The following RPS12 variants were observed in gnomAD, a reference collection of about 807,000 sequenced individuals.
RPS12 encodes the protein ribosomal protein S12.
A neutral mutation model predicts 17.2 loss-of-function variants in RPS12; 1 was observed. That is an observed-to-expected ratio of 0.06 (90% CI 0.02 to 0.28). The LOEUF (loss-of-function observed/expected upper bound fraction) is 0.28, where lower values mean the gene tolerates loss of function less well. Ranked by LOEUF, RPS12 falls within the 10% of genes least tolerant of loss-of-function variation. The probability of loss-of-function intolerance (pLI) is 1.00; values close to 1 mark genes in which losing one functional copy is unlikely to be tolerated. For synonymous variants in RPS12, 67 were observed against 54.0 expected (o/e 1.24, Z -1.06); for missense variants, 146 against 162.1 (o/e 0.90, Z 0.54).
intron 5 of RPS12, 41 bp from the exon 6 acceptor site, chr6:132,817,439 A>G (rs1460634109): frequency 3.1e-6 from 4 of 1,302,796 alleles, no homozygotes; most frequent in Admixed American, 1.7e-5. Flanking sequence ...AAATTCCTAA[A>G]TATTAACAAG....
In RPS12 at chr6:132,814,699, G is replaced by A. The variant is rs372382973; in HGVS notation, c.-37-33G>A. 3.9e-4 allele frequency: 607 copies of A among 1,566,446 alleles called. 2 individuals are homozygous for A. The African/African-American group carries it at 7.1e-3, about 18-fold the overall frequency. ...TGCTGGGATTCGTGACGAGTATCTGGTTCTTTAACAAGTCAATGCTTTTGT... is the reference window on the plus strand; with the variant it reads ...TGCTGGGATTCGTGACGAGTATCTGATTCTTTAACAAGTCAATGCTTTTGT... On this transcript the variant is annotated intron_variant, in intron 1 of 5. Transcript: ENST00000230050.
intron 5 of RPS12, 37 bp downstream of exon 5, chr6:132,817,098 T>C: frequency 8.1e-7 from 1 of 1,235,466 alleles, no homozygotes; most frequent in Non-Finnish European, 1.2e-6. Flanking sequence ...AAGGTTATGC[T>C]GGGTAATCAT....
chr6:132,814,624 C>A lies in RPS12; in HGVS notation c.-38+11C>A. On this transcript the variant is annotated intron_variant, in intron 1 of 5. Transcript: ENST00000230050. ...AGGCGGAGGCTTGGGGTAAGTTGAGCGAGGCGGCAGGGGGGTGTATTGGTT... is the reference window on the plus strand; with the variant it reads ...AGGCGGAGGCTTGGGGTAAGTTGAGAGAGGCGGCAGGGGGGTGTATTGGTT... The A allele has an allele frequency of 2.0e-6, 2 of 1,015,378 alleles. No homozygotes were observed. The highest frequency in any genetic ancestry group is 3.1e-6 in the Non-Finnish European group (2 of 650,112). 62.9% of individuals were successfully genotyped at this position (1,015,378 alleles called of 1,614,324 possible).
At chr6:132,815,310 T>A in intron 3 of RPS12, 2 of 721,390 alleles carry the variant, frequency 2.8e-6, no homozygotes, top group Non-Finnish European at 5.1e-6. Context: ...CTACAGTGTT[T>A]GAATGATGAC....
intron 2 of RPS12, 44 bp from the exon 3 acceptor site, chr6:132,814,928 G>C (rs1363544883): frequency 6.9e-7 from 1 of 1,442,788 alleles, no homozygotes; most frequent in African/African-American, 1.4e-5. Flanking sequence ...GGCCTTATGT[G>C]GTGTGAGGAT....
In RPS12 at chr6:132,816,067, C is replaced by T. The variant is rs1466788167; in HGVS notation, c.132-394C>T. 2.4e-5 allele frequency: 9 copies of T among 374,874 alleles called. No homozygotes were observed. In the Admixed American group the frequency reaches 2.4e-4, roughly 10 times the overall value. 23.2% of individuals were successfully genotyped at this position (374,874 alleles called of 1,614,324 possible). A position where few individuals can be genotyped will look rare whatever the true frequency, so the allele number is the denominator to read the frequency against. Reference sequence around the variant, plus strand: ...CTGGCTGGTCTGGTACTCCTGACCTCGGGTCATCTGCCCCCCTCGTCTTCC... The same window carrying T: ...CTGGCTGGTCTGGTACTCCTGACCTTGGGTCATCTGCCCCCCTCGTCTTCC... On this transcript the variant is annotated intron_variant, in intron 3 of 5. Transcript: ENST00000230050.
At position 132,815,053 on chromosome 6, in the gene RPS12, A is replaced by G; in HGVS notation, c.96A>G (p.Ala32=). The G allele has an allele frequency of 6.2e-7, 1 of 1,613,366 alleles. No individual in the cohort carries two copies. Among genetic ancestry groups the G allele is most frequent in the Non-Finnish European group, 8.5e-7 (1 of 1,179,290 alleles). ...CTGCCCTCATCCACGATGGCCTAGC[A>G]CGTGGAATTCGCGAAGCTGCCAAAG... ...LKTALIHDGL[A]RGIREAAKAL... Residue 32 remains alanine (A), a synonymous_variant, in exon 3 of 6, where the codon GCA becomes GCG. Transcript: ENST00000230050.
At position 132,815,019 on chromosome 6, in the gene RPS12, T is replaced by C; in HGVS notation, c.62T>C (p.Val21Ala). 1 of 1,613,804 alleles carries C rather than the reference T, an allele frequency of 6.2e-7. No homozygotes were observed. ...GACGTTAATACTGCTTTACAAGAGG[T>C]TCTGAAGACTGCCCTCATCCACGAT... ...VMDVNTALQEVLKTALIHDGL... is the reference protein window; with the variant it reads ...VMDVNTALQEALKTALIHDGL... The change falls in exon 3 of 6, where the codon GTT becomes GCT. Residue 21 changes from valine to alanine, a missense_variant. Physicochemically the swap from Val to Ala is moderately conservative, Grantham distance 64 (BLOSUM62 0). This residue lies in a region of RPS12 where 117 missense variants were observed against 104.6 expected (regional missense o/e 1.12). Coordinates refer to ENST00000230050, the MANE Select transcript of RPS12 (RefSeq NM_001016.4).
intron 3 of RPS12, chr6:132,815,685 GT>G (rs1400845584): frequency 2.2e-6 from 1 of 456,594 alleles, no homozygotes; most frequent in South Asian, 1.5e-5. Flanking sequence ...GGACAAGTTC[GT>G]TTTGGTGTAA....
chr6:132,815,056 T>A lies in RPS12; in HGVS notation c.99T>A (p.Arg33=). ...KTALIHDGLA[R]GIREAAKALD... ...CCCTCATCCACGATGGCCTAGCACG[T>A]GGAATTCGCGAAGCTGCCAAAGCCT... Residue 33 remains arginine (R), a synonymous_variant, in exon 3 of 6, where the codon CGT becomes CGA. Transcript: ENST00000230050. 1 of 1,613,362 alleles carries A rather than the reference T, an allele frequency of 6.2e-7. No individual in the cohort carries two copies. Among genetic ancestry groups the A allele is most frequent in the Middle Eastern group, 1.7e-4 (1 of 6,060 alleles).
chr6:132,816,243 CAG>C (rs747537026), intron 3 of RPS12, among the ~76,000 whole-genome samples: 4 of 152,114 alleles, frequency 2.6e-5, no homozygotes, highest in African/African-American at 4.8e-5. Flanking sequence ...GTGTCAGGGA[CAG>C]AGGTTTTACT....
In RPS12 at chr6:132,816,469, C is replaced by T. The variant is rs776365613; in HGVS notation, c.140C>T (p.Ala47Val). The T allele has an allele frequency of 3.1e-6, 5 of 1,607,268 alleles. No individual in the cohort carries two copies. In the South Asian group the frequency reaches 5.5e-5, roughly 18 times the overall value. The change falls in exon 4 of 6, where the codon GCC (alanine) becomes GTC (valine). Residue 47 changes from alanine (A) to valine (V), a missense_variant. Ala to Val is a moderately conservative substitution (Grantham distance 64). Around this residue, in one of 2 missense-constraint regions of RPS12, gnomAD observed 117 missense variants for 104.6 expected, o/e 1.12. Coordinates refer to ENST00000230050, the MANE Select transcript of RPS12 (RefSeq NM_001016.4). ...TGTAATTTGAATTTCAGGCGCCAAG[C>T]CCATCTTTGTGTGCTTGCATCCAAC... ...EAAKALDKRQ[A>V]HLCVLASNCD...
intron 1 of RPS12, 51 bp downstream of exon 1, chr6:132,814,664 G>T: frequency 7.6e-7 from 1 of 1,317,992 alleles, no homozygotes. Flanking sequence ...TTTGTGGCTC[G>T]TTGCGTTCTT....
In RPS12 at chr6:132,816,518, G is replaced by C; in HGVS notation, c.189G>C (p.Lys63Asn). Reference protein sequence around the residue: ...ASNCDEPMYVKLVEALCAEHQ... With the variant: ...ASNCDEPMYVNLVEALCAEHQ... ...ACTGTGATGAGCCTATGTATGTCAA[G>C]TTGGTGGAGGCCCTTTGTGCTGAAC... The change falls in exon 4 of 6, where the codon AAG becomes AAC. Residue 63 changes from lysine to asparagine, a missense_variant. By Grantham distance (94) the Lys-to-Asn change is moderately conservative. This residue lies in a region of RPS12 where 117 missense variants were observed against 104.6 expected (regional missense o/e 1.12). Transcript: ENST00000230050. The C allele has an allele frequency of 6.2e-7, 1 of 1,605,246 alleles. No homozygotes were observed. Among genetic ancestry groups the C allele is most frequent in the South Asian group, 1.1e-5 (1 of 91,078 alleles).
rs549222671 is a variant in RPS12 at position 132,815,039 on chromosome 6, C to T, written c.82C>T (p.His28Tyr). 1 of 1,613,784 alleles carries T rather than the reference C, an allele frequency of 6.2e-7. No individual in the cohort carries two copies. The highest frequency in any genetic ancestry group is 1.1e-5 in the South Asian group (1 of 91,068). Reference sequence around the variant, plus strand: ...AGAGGTTCTGAAGACTGCCCTCATCCACGATGGCCTAGCACGTGGAATTCG... The same window carrying T: ...AGAGGTTCTGAAGACTGCCCTCATCTACGATGGCCTAGCACGTGGAATTCG... ...LQEVLKTALI[H>Y]DGLARGIREA... Residue 28 changes from histidine to tyrosine, a missense_variant, in exon 3 of 6, where the codon CAC (histidine) becomes TAC (tyrosine). Around this residue, in one of 2 missense-constraint regions of RPS12, gnomAD observed 117 missense variants for 104.6 expected, o/e 1.12. Coordinates refer to ENST00000230050, the MANE Select transcript of RPS12 (RefSeq NM_001016.4).
At position 132,816,483 on chromosome 6, in the gene RPS12, C is replaced by T; in HGVS notation, c.154C>T (p.Leu52Phe). The change falls in exon 4 of 6, where the codon CTT becomes TTT. Residue 52 changes from leucine (L) to phenylalanine (F), a missense_variant. By Grantham distance (22) the Leu-to-Phe change is conservative. This residue lies in a region of RPS12 where 117 missense variants were observed against 104.6 expected (regional missense o/e 1.12). Transcript: ENST00000230050. Reference sequence around the variant, plus strand: ...CAGGCGCCAAGCCCATCTTTGTGTGCTTGCATCCAACTGTGATGAGCCTAT... The same window carrying T: ...CAGGCGCCAAGCCCATCTTTGTGTGTTTGCATCCAACTGTGATGAGCCTAT... ...LDKRQAHLCV[L>F]ASNCDEPMYV... 1 of 1,608,500 alleles carries T rather than the reference C, an allele frequency of 6.2e-7. No individual in the cohort carries two copies. Among genetic ancestry groups the T allele is most frequent in the Non-Finnish European group, 8.5e-7 (1 of 1,178,340 alleles).
Position 132,814,746 on chromosome 6 carries a change from A to C in RPS12, c.-23A>C, listed in dbSNP as rs775352197. The C allele has an allele frequency of 6.2e-7, 1 of 1,613,058 alleles. No individual in the cohort carries two copies. Among genetic ancestry groups the C allele is most frequent in the East Asian group, 2.2e-5 (1 of 44,860 alleles). On this transcript the variant is annotated 5_prime_UTR_variant, in exon 2 of 6. Transcript: ENST00000230050. ...TTGTTTTTTAGTGCGTTCAAGATTCAACTTCACCCGTAACCCACCGCCATG... is the reference window on the plus strand; with the variant it reads ...TTGTTTTTTAGTGCGTTCAAGATTCCACTTCACCCGTAACCCACCGCCATG...
intron 4 of RPS12, 182 bp downstream of exon 4, chr6:132,816,745 T>C: frequency 2.6e-6 from 2 of 768,300 alleles, no homozygotes; most frequent in East Asian, 2.4e-5. Context: ...AATTGAATCC[T>C]AATTTTGACG....
intron 2 of RPS12, 80 bp from the exon 3 acceptor site, chr6:132,814,892 G>A (rs796280539): frequency 1.4e-6 from 2 of 1,402,972 alleles, no homozygotes; most frequent in African/African-American, 1.4e-5. Flanking sequence ...CGCGTCTGTT[G>A]TACACTTAGC....
Sources: gnomAD v4.1 joint callset for allele counts (sites outside exome capture counted in the v4.1 genomes callset) on GRCh38, gnomAD v4.1.1 for gene constraint, gnomAD v4.1.1 regional missense constraint, MANE v1.5 for transcripts, NCBI Gene and HGNC (gene_info 2026-07-23, HGNC 2026-07-21) for gene names.